Variants in ZNF407 observed in about 807,000 individuals in gnomAD.
The protein encoded by ZNF407 is zinc finger protein 407.
ZNF407 carries 17 observed loss-of-function variants against 131.2 expected under a neutral mutation model. That is an observed-to-expected ratio of 0.13 (90% CI 0.09 to 0.19). ZNF407 has a LOEUF of 0.19. Ranked by LOEUF, ZNF407 falls within the 10% of genes least tolerant of loss-of-function variation. The pLI is 1.00. For synonymous variants in ZNF407, 1,156 were observed against 1,062.0 expected (o/e 1.09, Z -1.72); for missense variants, 2,681 against 2,830.6 (o/e 0.95, Z 1.20).
intron 4 of ZNF407, among the ~76,000 whole-genome samples, chr18:74,797,161 GT>G (rs149128992): frequency 0.01 from 1,570 of 152,268 alleles, 28 homozygotes; most frequent in African/African-American, 0.035. Context: ...TTTTTAGAAC[GT>G]TGGATCTGTT....
In ZNF407 at chr18:74,635,041, T is replaced by A. The variant is rs759063715; in HGVS notation, c.4022T>A (p.Ile1341Asn). The A allele has an allele frequency of 1.9e-6, 3 of 1,613,910 alleles. No homozygotes were observed. In the East Asian group the frequency reaches 6.7e-5, roughly 36 times the overall value. ...AGTAGTGATGTCTATGAAACTATAA[T>A]TAGTATTGATGATAAAGGGCAGGCC... ...VESSDVYETI[I>N]SIDDKGQAMY... The change falls in exon 2 of 9, where the codon ATT becomes AAT. Residue 1341 changes from isoleucine (I) to asparagine (N), a missense_variant. Around this residue, in one of 6 missense-constraint regions of ZNF407, gnomAD observed 1,789 missense variants for 1,748.7 expected, o/e 1.02. Transcript: ENST00000299687. This position sits in a 1 kb window ranked among gnomAD's most constrained non-coding sequence, Gnocchi z 4.7.
chr18:74,706,327 T>A (rs927578400), intron 3 of ZNF407, among the ~76,000 whole-genome samples: 8 of 152,238 alleles, frequency 5.3e-5, no homozygotes, highest in African/African-American at 1.9e-4. Flanking sequence ...TATTGTTCTT[T>A]GAGAAATGTT....
At chr18:74,678,800 T>C (rs1257122891) in intron 3 of ZNF407, among the ~76,000 whole-genome samples, 1 of 152,098 alleles carries the variant, frequency 6.6e-6, no homozygotes, top group Non-Finnish European at 1.5e-5. Flanking sequence ...AGTTTTCAAA[T>C]GTTAAGTAGA....
At chr18:74,851,266 C>T (rs78735830) in intron 4 of ZNF407, among the ~76,000 whole-genome samples, 3,129 of 152,192 alleles carry the variant, frequency 0.021, 37 homozygotes, top group Middle Eastern at 0.034. Flanking sequence ...TCATTATTGC[C>T]GCGAGTTCTC....
At chr18:74,921,287 C>T (rs1434824728) in intron 8 of ZNF407, among the ~76,000 whole-genome samples, 1 of 152,148 alleles carries the variant, frequency 6.6e-6, no homozygotes, top group Non-Finnish European at 1.5e-5. Flanking sequence ...AAGGTGTCAG[C>T]GATGTGGCTG....
intron 8 of ZNF407, among the ~76,000 whole-genome samples, chr18:75,014,735 TG>T (rs879578776): frequency 5.9e-5 from 9 of 151,428 alleles, no homozygotes; most frequent in African/African-American, 2.0e-4. Flanking sequence ...ATTTACGTGT[TG>T]TTTTTTTTAT....
chr18:74,842,324 C>A (rs552454360), intron 4 of ZNF407, among the ~76,000 whole-genome samples: 11 of 152,064 alleles, frequency 7.2e-5, no homozygotes, highest in Non-Finnish European at 1.6e-4. Flanking sequence ...CTTTGAAACT[C>A]CATTATAACA....
intron 3 of ZNF407, among the ~76,000 whole-genome samples, chr18:74,730,464 T>G (rs767695180): frequency 6.6e-6 from 1 of 152,202 alleles, no homozygotes. Context: ...AATTGCTGCC[T>G]TGTGTCCTGT....
At chr18:75,014,431 T>A (rs1201217996) in intron 8 of ZNF407, among the ~76,000 whole-genome samples, 3 of 152,042 alleles carry the variant, frequency 2.0e-5, no homozygotes, top group African/African-American at 7.2e-5. Flanking sequence ...TTCTTGAAGG[T>A]CAAGCCATTT....
chr18:75,036,703 G>T (rs913787275), intron 8 of ZNF407, among the ~76,000 whole-genome samples: 1 of 152,218 alleles, frequency 6.6e-6, no homozygotes, highest in East Asian at 1.9e-4. Flanking sequence ...AATGTGAGTT[G>T]ACTGATTAGC....
At chr18:74,660,943 G>A (rs1985686577) in intron 3 of ZNF407, among the ~76,000 whole-genome samples, 1 of 152,110 alleles carries the variant, frequency 6.6e-6, no homozygotes, top group Non-Finnish European at 1.5e-5. Flanking sequence ...CTGAAAAAAG[G>A]CAACTGAAAG....
Position 75,064,307 on chromosome 18 carries a change from T to C in ZNF407, c.6586T>C (p.Ser2196Pro). Reference protein sequence around the residue: ...YSHTVLETADSQELLQAGATL... With the variant: ...YSHTVLETADPQELLQAGATL... ...CCACACCGTGCTGGAGACTGCGGAC[T>C]CGCAGGAACTCCTGCAGGCCGGGGC... The change falls in exon 9 of 9, where the codon TCG becomes CCG. Residue 2196 changes from serine (S) to proline (P), a missense_variant. Coordinates refer to ENST00000299687, the MANE Select transcript of ZNF407 (RefSeq NM_017757.3). The C allele has an allele frequency of 6.2e-7, 1 of 1,601,632 alleles. No individual in the cohort carries two copies. Among genetic ancestry groups the C allele is most frequent in the Non-Finnish European group, 8.5e-7 (1 of 1,175,010 alleles).
At chr18:74,915,084 C>T (rs1185139299) in intron 7 of ZNF407, among the ~76,000 whole-genome samples, 1 of 152,046 alleles carries the variant, frequency 6.6e-6, no homozygotes, top group Non-Finnish European at 1.5e-5. Context: ...CATAGGGAAA[C>T]ACCAAGATAC....
chr18:74,927,339 GT>G (rs1971927570), intron 8 of ZNF407, among the ~76,000 whole-genome samples: 1 of 152,184 alleles, frequency 6.6e-6, no homozygotes, highest in South Asian at 2.1e-4. Flanking sequence ...GGTTAATGAA[GT>G]TTTTTCAGTG....
chr18:74,728,774 G>T (rs117491951), intron 3 of ZNF407, among the ~76,000 whole-genome samples: 2,365 of 152,286 alleles, frequency 0.016, 33 homozygotes, highest in Middle Eastern at 0.088. Context: ...GTGGAAAGGA[G>T]AAGCCATGGG....
chr18:74,741,526 A>C (rs1312742496), intron 3 of ZNF407, among the ~76,000 whole-genome samples: 2 of 152,176 alleles, frequency 1.3e-5, no homozygotes, highest in Non-Finnish European at 2.9e-5. Context: ...CTCTCTGAAT[A>C]AAATTGATGA....
chr18:74,900,927 T>A (rs566243253), intron 7 of ZNF407, among the ~76,000 whole-genome samples: 1 of 152,208 alleles, frequency 6.6e-6, no homozygotes, highest in Non-Finnish European at 1.5e-5. Flanking sequence ...AAATTGCCGG[T>A]TTTTTTCTAG....
chr18:74,793,103 G>A (rs1969856295), intron 4 of ZNF407, among the ~76,000 whole-genome samples: 1 of 152,190 alleles, frequency 6.6e-6, no homozygotes, highest in Non-Finnish European at 1.5e-5. Flanking sequence ...CTTAACTAGT[G>A]AGAGAACCCA....
intron 8 of ZNF407, among the ~76,000 whole-genome samples, chr18:74,965,095 C>T (rs1972395311): frequency 6.6e-6 from 1 of 152,132 alleles, no homozygotes; most frequent in Non-Finnish European, 1.5e-5. Flanking sequence ...TGTTTAGATA[C>T]AGGCATGCAA....
Sources: allele counts gnomAD v4.1 joint callset (sites outside exome capture counted in the v4.1 genomes callset), GRCh38; gene constraint gnomAD v4.1.1; regional missense constraint gnomAD v4.1.1; non-coding constraint Gnocchi (gnomAD v3.1); transcripts MANE v1.5; gene names NCBI Gene and HGNC (gene_info 2026-07-23, HGNC 2026-07-21).